MAP2K2: variants seen among roughly 807,000 people sequenced by gnomAD.
The protein encoded by MAP2K2 is dual specificity mitogen-activated protein kinase kinase 2.
In MAP2K2, 24 loss-of-function variants were observed where a neutral mutation model predicts 43.7. The ratio of observed to expected loss-of-function variants is 0.55; its 90% CI spans 0.40 to 0.77. MAP2K2 has a LOEUF of 0.77. MAP2K2 is among the 30% of genes least tolerant of loss of function. MAP2K2 has a pLI of 0.00. For missense variants in MAP2K2, 470 were observed against 566.8 expected (o/e 0.83, Z 1.73); for synonymous variants, 244 against 239.7 (o/e 1.02, Z -0.17).
At chr19:4,117,738 T>G in intron 1 of MAP2K2, 109 bp from the exon 2 acceptor site, 1 of 952,750 alleles carries the variant, frequency 1.0e-6, no homozygotes, top group Non-Finnish European at 1.7e-6. Flanking sequence ...ACTGGATTCC[T>G]GCACTTGAGG....
chr19:4,113,265 T>C (rs578153876), intron 2 of MAP2K2, among the ~76,000 whole-genome samples: 27 of 152,126 alleles, frequency 1.8e-4, no homozygotes, highest in Admixed American at 1.4e-3. Context: ...CTGTAGTAAA[T>C]AGCAGAGGCG....
chr19:4,121,417 G>A (rs2041290631), intron 1 of MAP2K2, among the ~76,000 whole-genome samples: 1 of 151,308 alleles, frequency 6.6e-6, no homozygotes, highest in East Asian at 2.0e-4. Flanking sequence ...CAGCTTCAGG[G>A]ACTCCACACA....
chr19:4,090,914 G>A (rs1346634182), intron 10 of MAP2K2, among the ~76,000 whole-genome samples: 1 of 152,210 alleles, frequency 6.6e-6, no homozygotes, highest in Non-Finnish European at 1.5e-5. Context: ...GCCTGGGAGG[G>A]GTCTCAGGAT....
chr19:4,100,642 C>T, intron 6 of MAP2K2: 1 of 278,020 alleles, frequency 3.6e-6, no homozygotes, highest in South Asian at 4.0e-5. Flanking sequence ...ACAGCGAGAC[C>T]CCGTGTCTAC....
In MAP2K2 at chr19:4,102,973, G is replaced by A. The variant is rs917716324; in HGVS notation, c.451-520C>T. The A allele has an allele frequency of 9.8e-5, 108 of 1,100,170 alleles. 1 individual carries two copies. Among genetic ancestry groups the A allele is most frequent in the Non-Finnish European group, 2.6e-5 (23 of 896,714 alleles). 68.2% of individuals were successfully genotyped at this position (1,100,170 alleles called of 1,614,324 possible). ...GTGGGAGGAGGCGGCGGGTCGCTGT[G>A]TGCCCGTCCAGACCCCCAGGGGGCT... On this transcript the variant is annotated intron_variant, in intron 3 of 10. Transcript: ENST00000262948.
intron 3 of MAP2K2, among the ~76,000 whole-genome samples, chr19:4,105,013 GCT>G (rs1469470627): frequency 6.6e-6 from 1 of 152,162 alleles, no homozygotes; most frequent in Non-Finnish European, 1.5e-5. Context: ...GTTGAGAAGG[GCT>G]GATCTCCAGC....
intron 4 of MAP2K2, among the ~76,000 whole-genome samples, chr19:4,102,105 G>C (rs1429696970): frequency 1.3e-5 from 2 of 152,170 alleles, no homozygotes; most frequent in Non-Finnish European, 2.9e-5. Flanking sequence ...CCTGCCACGA[G>C]GGGCAGAGGG....
chr19:4,112,671 CGCCCCTGCCT>C (rs569518602), intron 2 of MAP2K2, among the ~76,000 whole-genome samples: 24 of 151,658 alleles, frequency 1.6e-4, no homozygotes, highest in South Asian at 4.1e-4. Flanking sequence ...CCTGCCTGCC[CGCCCCTGCCT>C]GCCCCTGTAG....
chr19:4,094,418 C>T, intron 10 of MAP2K2, 35 bp downstream of exon 10: 1 of 1,550,880 alleles, frequency 6.4e-7, no homozygotes, highest in Non-Finnish European at 8.7e-7. Flanking sequence ...GCAGCCTGCA[C>T]CCTCCCGGTC....
intron 7 of MAP2K2, among the ~76,000 whole-genome samples, chr19:4,097,601 C>G (rs1283212105): frequency 2.0e-5 from 3 of 152,182 alleles, no homozygotes; most frequent in African/African-American, 7.2e-5. Context: ...TTTGAGAAGT[C>G]ACACATTTGG....
Position 4,109,895 on chromosome 19 carries a change from A to C in MAP2K2, c.450+614T>G, listed in dbSNP as rs892777825. On this transcript the variant is annotated intron_variant, in intron 3 of 10. Transcript: ENST00000262948. ...TTATTTGAGATAGGGCAGAGACTGG[A>C]AACAACCTACGTACCCCCCAAAACG... Among the ~76,000 whole-genome samples the C allele has an allele frequency of 3.3e-5, 5 of 152,174 alleles. No homozygotes were observed. In the South Asian group the frequency reaches 8.3e-4, roughly 25 times the overall value.
chr19:4,105,927 T>C (rs188253236), intron 3 of MAP2K2, among the ~76,000 whole-genome samples: 52 of 152,222 alleles, frequency 3.4e-4, no homozygotes, highest in Admixed American at 7.8e-4. Context: ...CCTCCCAAAG[T>C]GCTGGGATCA....
In MAP2K2 at chr19:4,101,795, C is replaced by T. The variant is rs969993939; in HGVS notation, c.529-515G>A. Among the ~76,000 whole-genome samples, 17 of 152,176 alleles carry T rather than the reference C, an allele frequency of 1.1e-4. No individual in the cohort carries two copies. The highest frequency in any genetic ancestry group is 2.4e-4 in the Non-Finnish European group (16 of 68,024). On this transcript the variant is annotated intron_variant, in intron 4 of 10. Coordinates refer to ENST00000262948, the MANE Select transcript of MAP2K2 (RefSeq NM_030662.4). This position sits in a 1 kb window ranked among gnomAD's most constrained non-coding sequence, Gnocchi z 6.3. ...GTGACGGCAGCTTTCAACTCGGAAA[C>T]GCGTGTCTGGCAGCATGCGTCCTGT...
intron 4 of MAP2K2, 109 bp downstream of exon 4, chr19:4,102,267 G>T: frequency 1.1e-6 from 1 of 945,382 alleles, no homozygotes; most frequent in Non-Finnish European, 1.6e-6. Context: ...TTCTGCAGGG[G>T]CCACCCTAAC....
At chr19:4,112,919 G>A (rs2041173312) in intron 2 of MAP2K2, among the ~76,000 whole-genome samples, 1 of 152,228 alleles carries the variant, frequency 6.6e-6, no homozygotes, top group Admixed American at 6.5e-5. Context: ...GAGATTTACT[G>A]GAAAAGGCCA....
Position 4,123,869 on chromosome 19 carries a change from C to T in MAP2K2, c.7G>A (p.Ala3Thr), listed in dbSNP as rs1399102007. The change falls in exon 1 of 11, where the codon GCC becomes ACC. Residue 3 changes from alanine to threonine, a missense_variant. Ala to Thr is a moderately conservative substitution (Grantham distance 58). Transcript: ENST00000262948. ML[A>T]RRKPVLPALT... ...GCCGGCAGCACCGGCTTCCTCCGGG[C>T]CAGCATCGGGGCTCCGCGGGCCGGC... The T allele has an allele frequency of 1.3e-6, 2 of 1,485,712 alleles. No individual in the cohort carries two copies. The highest frequency in any genetic ancestry group is 1.8e-6 in the Non-Finnish European group (2 of 1,116,916). The allele number at this position is 1,485,712 out of a possible 1,614,324, so 92.0% of individuals were successfully genotyped here. A position where few individuals can be genotyped will look rare whatever the true frequency, so the allele number is the denominator to read the frequency against.
rs763860544 is a variant in MAP2K2, at chr19:4,099,362, A to G, written c.758T>C (p.Met253Thr). 4.3e-6 allele frequency: 7 copies of G among 1,611,724 alleles called. No homozygotes were observed. In the African/African-American group the frequency reaches 6.7e-5, roughly 15 times the overall value. The change falls in exon 7 of 11, where the codon ATG (methionine) becomes ACG (threonine). Residue 253 changes from methionine (M) to threonine (T), a missense_variant. Physicochemically the swap from Met to Thr is moderately conservative, Grantham distance 81. This residue lies in a region of MAP2K2 where 212 missense variants were observed against 220.8 expected (regional missense o/e 0.96). Transcript: ENST00000262948. ...HYSVQSDIWS[M>T]GLSLVELAVG... ...GGCCAGCTCCACCAGGGACAGGCCC[A>G]TGCTCCAGATGTCCGACTGCACCGA... is the stretch of plus-strand genomic sequence containing the variant.
At chr19:4,118,338 G>T (rs1005296807) in intron 1 of MAP2K2, among the ~76,000 whole-genome samples, 1 of 152,188 alleles carries the variant, frequency 6.6e-6, no homozygotes, top group Non-Finnish European at 1.5e-5. Flanking sequence ...GTCTGTCTTT[G>T]CAGGAGATAG....
chr19:4,117,397 TCCCCGACCC>T lies in MAP2K2; in HGVS notation c.303+13_303+21del. 1 of 1,457,398 alleles carries T rather than the reference TCCCCGACCC, an allele frequency of 6.9e-7. No individual in the cohort carries two copies. The highest frequency in any genetic ancestry group is 9.4e-7 in the Non-Finnish European group (1 of 1,062,356). The allele number at this position is 1,457,398 out of a possible 1,614,324, so 90.3% of individuals were successfully genotyped here. ...GGACCTTCCCCACCACTCCCCGACC[TCCCCGACCC>T]CGCAGTGCTCACCTTCCTGGCCATG... On this transcript the variant is annotated intron_variant, in intron 2 of 10. Transcript: ENST00000262948.
Sources: gnomAD v4.1 joint callset for allele counts (sites outside exome capture counted in the v4.1 genomes callset) on GRCh38, gnomAD v4.1.1 for gene constraint, gnomAD v4.1.1 regional missense constraint, Gnocchi (gnomAD v3.1) non-coding constraint, MANE v1.5 for transcripts, NCBI Gene and HGNC (gene_info 2026-07-23, HGNC 2026-07-21) for gene names.